HTR3B: variants seen among roughly 807,000 people sequenced by gnomAD.
HTR3B encodes the protein 5-hydroxytryptamine receptor 3B, also known as 5-hydroxytryptamine (serotonin) receptor 3B, ionotropic.
In HTR3B, 44 loss-of-function variants were observed where a neutral mutation model predicts 42.8. The ratio of observed to expected loss-of-function variants is 1.03; its 90% CI spans 0.81 to 1.32. The LOEUF (loss-of-function observed/expected upper bound fraction) is 1.32. Among genes scored for constraint, HTR3B ranks in the 40% most tolerant of loss-of-function variants. The probability of loss-of-function intolerance (pLI) is 0.00; values close to 1 mark genes in which losing one functional copy is unlikely to be tolerated. For synonymous variants in HTR3B, 203 were observed against 209.0 expected, an observed-to-expected ratio of 0.97 and a Z score of 0.25; for missense variants, 527 against 536.5, an observed-to-expected ratio of 0.98 and a Z score of 0.17.
At chr11:113,932,265 CA>C in intron 4 of HTR3B, 23 bp from the exon 5 acceptor site, 11 of 1,590,670 alleles carry the variant, frequency 6.9e-6, no homozygotes, top group Non-Finnish European at 9.5e-6. Flanking sequence ...TCTGTGACAA[CA>C]AGTTCTCTTG....
At chr11:113,932,519 A>G in intron 5 of HTR3B, 61 bp downstream of exon 5, 2 of 1,284,170 alleles carry the variant, frequency 1.6e-6, no homozygotes, top group African/African-American at 1.5e-5. Flanking sequence ...ATGATATTAT[A>G]CTATCCTTCA....
intron 2 of HTR3B, among the ~76,000 whole-genome samples, chr11:113,911,619 C>T (rs1176731): frequency 0.019 from 2,861 of 152,014 alleles, 85 homozygotes; most frequent in African/African-American, 0.064. Flanking sequence ...CTCCGCCTCC[C>T]GGGGACAAGC....
intron 6 of HTR3B, among the ~76,000 whole-genome samples, chr11:113,935,516 C>G (rs963045062): frequency 3.7e-5 from 5 of 135,194 alleles, no homozygotes; most frequent in Non-Finnish European, 6.8e-5. Flanking sequence ...TTTAGAAAGA[C>G]TAAAAGTGGA....
chr11:113,931,214 A>G (rs1950031464), intron 2 of HTR3B, among the ~76,000 whole-genome samples, 170 bp from the exon 3 acceptor site: 2 of 152,170 alleles, frequency 1.3e-5, no homozygotes, highest in African/African-American at 4.8e-5. Context: ...GGTGTGCATA[A>G]TAAGTAAGAA....
upstream of HTR3B, among the ~76,000 whole-genome samples, chr11:113,903,428 CTTTTTT>C (rs57289369): frequency 8.3e-6 from 1 of 121,100 alleles, no homozygotes; most frequent in African/African-American, 3.3e-5. Flanking sequence ...CTTTTCTTTT[CTTTTTT>C]TTTTTTTTTT....
At position 113,943,233 on chromosome 11, in the gene HTR3B, C is replaced by A. The variant is rs369925742; in HGVS notation, c.907+41C>A. The A allele has an allele frequency of 2.3e-5, 35 of 1,490,446 alleles. No homozygotes were observed. The African/African-American group carries it at 4.3e-4, about 18-fold the overall frequency. 92.3% of individuals were successfully genotyped at this position (1,490,446 alleles called of 1,614,324 possible). On this transcript the variant is annotated intron_variant, in intron 7 of 8. Coordinates refer to ENST00000260191, the MANE Select transcript of HTR3B (RefSeq NM_006028.5). ...GTCACTGGACACTCATCTTACATGA[C>A]CCCTGTGAAAGATCTAATGCTGGCC... is the stretch of plus-strand genomic sequence containing the variant.
chr11:113,909,871 C>A (rs1949769170), intron 2 of HTR3B, among the ~76,000 whole-genome samples: 1 of 150,856 alleles, frequency 6.6e-6, no homozygotes, highest in Admixed American at 6.7e-5. Flanking sequence ...GTAGTTCCAG[C>A]TACTCAAGAG....
intron 2 of HTR3B, among the ~76,000 whole-genome samples, chr11:113,929,858 G>A (rs1375985393): frequency 6.6e-6 from 1 of 151,986 alleles, no homozygotes; most frequent in African/African-American, 2.4e-5. Flanking sequence ...TCAGCCGCCC[G>A]AGTAGCTGGG....
At chr11:113,945,576 G>A (rs1223072988) in intron 8 of HTR3B, among the ~76,000 whole-genome samples, 2 of 152,236 alleles carry the variant, frequency 1.3e-5, no homozygotes, top group East Asian at 1.9e-4. Flanking sequence ...GTTGCTTAAT[G>A]TGAACAAGTA....
chr11:113,905,084 T>C, intron 1 of HTR3B, 99 bp downstream of exon 1: 1 of 791,634 alleles, frequency 1.3e-6, no homozygotes, highest in Non-Finnish European at 2.1e-6. Context: ...CTCAGGCATG[T>C]TTGTTTTTAT....
intron 2 of HTR3B, among the ~76,000 whole-genome samples, chr11:113,928,230 G>C (rs774261410): frequency 6.6e-6 from 1 of 151,990 alleles, no homozygotes; most frequent in African/African-American, 2.4e-5. Context: ...TTTTTTTATG[G>C]CTGCATGGTA....
At chr11:113,900,322 G>T (rs569748495), upstream of HTR3B, among the ~76,000 whole-genome samples, 4 of 152,142 alleles carry the variant, frequency 2.6e-5, no homozygotes, top group Admixed American at 1.3e-4. Context: ...TACATATACT[G>T]ATCTGCTGGA....
upstream of HTR3B, among the ~76,000 whole-genome samples, chr11:113,902,601 C>T (rs576566555): frequency 6.6e-6 from 1 of 152,264 alleles, no homozygotes. Flanking sequence ...GCGATCTTCC[C>T]TCATTCTTGA....
In HTR3B at chr11:113,933,190, T is replaced by C; in HGVS notation, c.696+97T>C. The C allele has an allele frequency of 2.5e-6, 3 of 1,209,736 alleles. 1 individual carries two copies. The South Asian group carries it at 4.6e-5, about 19-fold the overall frequency. 74.9% of individuals were successfully genotyped at this position (1,209,736 alleles called of 1,614,324 possible). On this transcript the variant is annotated intron_variant, in intron 6 of 8. Coordinates refer to ENST00000260191, the MANE Select transcript of HTR3B (RefSeq NM_006028.5). Reference sequence around the variant, plus strand: ...ATTTCTGCTCTATTGCATGTTCTCATTCATTATCACCCAAGAACAGGGACT... The same window carrying C: ...ATTTCTGCTCTATTGCATGTTCTCACTCATTATCACCCAAGAACAGGGACT...
At chr11:113,928,598 C>G (rs55766743) in intron 2 of HTR3B, among the ~76,000 whole-genome samples, 1,650 of 152,216 alleles carry the variant, frequency 0.011, 18 homozygotes, top group African/African-American at 0.037. Context: ...AGTGCAGTGG[C>G]ACAATCTTGG....
chr11:113,943,183 C>T lies in HTR3B; in HGVS notation c.898C>T (p.Pro300Ser). Residue 300 changes from proline (P) to serine (S), a missense_variant, in exon 7 of 9, where the codon CCT (proline) becomes TCT (serine). Transcript: ENST00000260191. ...GGTGCCACGGAGTGTAGGGAGCACC[C>T]CTCTGATTGGTAAGCAGCCTCGGGG... ...NQVPRSVGST[P>S]LIGHFFTICM... 1 of 1,612,344 alleles carries T rather than the reference C, an allele frequency of 6.2e-7. No homozygotes were observed. Among genetic ancestry groups the T allele is most frequent in the Non-Finnish European group, 8.5e-7 (1 of 1,179,028 alleles).
intron 2 of HTR3B, among the ~76,000 whole-genome samples, chr11:113,913,096 C>T (rs1244744705): frequency 6.7e-6 from 1 of 150,246 alleles, no homozygotes; most frequent in Non-Finnish European, 1.5e-5. Flanking sequence ...CTTCGCTATT[C>T]ATTTTCTTAA....
At chr11:113,910,771 G>A (rs923590132) in intron 2 of HTR3B, among the ~76,000 whole-genome samples, 4 of 149,390 alleles carry the variant, frequency 2.7e-5, no homozygotes, top group African/African-American at 9.8e-5. Flanking sequence ...TACTGAGCTC[G>A]TTTTGTTAAA....
At chr11:113,944,900 T>C (rs1210395834) in intron 8 of HTR3B, 145 bp downstream of exon 8, 2 of 664,370 alleles carry the variant, frequency 3.0e-6, no homozygotes, top group Non-Finnish European at 5.0e-6. Context: ...CATTTTATAT[T>C]ATCTCTCTGG....
Sources: allele counts gnomAD v4.1 joint callset (sites outside exome capture counted in the v4.1 genomes callset), GRCh38; gene constraint gnomAD v4.1.1; transcripts MANE v1.5; gene names NCBI Gene and HGNC (gene_info 2026-07-23, HGNC 2026-07-21).